Variants in DNAJC1 observed in about 807,000 individuals in gnomAD.
The protein encoded by DNAJC1 is DnaJ heat shock protein family (Hsp40) member C1, also known as dnaJ homolog subfamily C member 1.
DNAJC1 carries 58 observed loss-of-function variants against 76.6 expected under a neutral mutation model. That is an observed-to-expected ratio of 0.76 (90% CI 0.61 to 0.94). The LOEUF (loss-of-function observed/expected upper bound fraction) is 0.94, where lower values mean the gene tolerates loss of function less well. DNAJC1 is among the 40% of genes least tolerant of loss of function. The pLI is 0.00. For synonymous variants in DNAJC1, 258 were observed against 267.9 expected (o/e 0.96, Z 0.36); for missense variants, 689 against 677.3 (o/e 1.02, Z -0.19).
intron 3 of DNAJC1, among the ~76,000 whole-genome samples, chr10:21,925,526 C>T (rs1837113367): frequency 1.3e-5 from 2 of 152,118 alleles, no homozygotes; most frequent in Admixed American, 1.3e-4. Context: ...CCCCAAACTG[C>T]AAACAACCCA....
At chr10:21,845,022 G>C (rs2131682640) in intron 8 of DNAJC1, among the ~76,000 whole-genome samples, 1 of 152,294 alleles carries the variant, frequency 6.6e-6, no homozygotes, top group Non-Finnish European at 1.5e-5. Flanking sequence ...GGGTGACAGA[G>C]TATGAGACTC....
At chr10:22,000,680 T>C (rs145705607) in intron 1 of DNAJC1, among the ~76,000 whole-genome samples, 2 of 152,360 alleles carry the variant, frequency 1.3e-5, no homozygotes, top group African/African-American at 4.8e-5. Flanking sequence ...TAATACAAGG[T>C]GGGGCCTCTG....
intron 9 of DNAJC1, among the ~76,000 whole-genome samples, chr10:21,793,237 T>A (rs1222875316): frequency 6.6e-6 from 1 of 151,630 alleles, no homozygotes; most frequent in Non-Finnish European, 1.5e-5. Flanking sequence ...ACCCGGGAAG[T>A]GGAGGTTGCA....
chr10:21,806,246 T>C (rs913507082), intron 8 of DNAJC1, 147 bp from the exon 9 acceptor site: 1 of 880,280 alleles, frequency 1.1e-6, no homozygotes, highest in African/African-American at 1.7e-5. Flanking sequence ...CTAAATTGTA[T>C]CTAATAGTTT....
chr10:21,786,457 TATATATAGAGAG>T (rs1181225409), intron 9 of DNAJC1, among the ~76,000 whole-genome samples: 26 of 44,418 alleles, frequency 5.9e-4, no homozygotes, highest in African/African-American at 1.3e-3. Context: ...TATATATATA[TATATATAGAGAG>T]AGAGAGAGAG....
intron 1 of DNAJC1, among the ~76,000 whole-genome samples, chr10:21,967,495 C>T (rs1393530043): frequency 6.6e-6 from 1 of 152,206 alleles, no homozygotes; most frequent in East Asian, 1.9e-4. Context: ...TTTCTCTAGG[C>T]ATCCCTATTT....
At chr10:21,966,183 C>T (rs1209179725) in intron 1 of DNAJC1, among the ~76,000 whole-genome samples, 1 of 152,170 alleles carries the variant, frequency 6.6e-6, no homozygotes, top group Non-Finnish European at 1.5e-5. Context: ...TTGTACCCAT[C>T]TCTGTGCATC....
At chr10:21,992,212 G>A (rs1312928186) in intron 1 of DNAJC1, among the ~76,000 whole-genome samples, 1 of 152,224 alleles carries the variant, frequency 6.6e-6, no homozygotes, top group East Asian at 1.9e-4. Context: ...TTGGGAGGCT[G>A]AGACAGGAGA....
At position 21,882,413 on chromosome 10, in the gene DNAJC1, G is replaced by A. The variant is rs766367029; in HGVS notation, c.847C>T (p.Pro283Ser). The A allele has an allele frequency of 1.3e-6, 2 of 1,512,466 alleles. No individual in the cohort carries two copies. The highest frequency in any genetic ancestry group is 2.6e-5 in the East Asian group (1 of 39,048). The allele number at this position is 1,512,466 out of a possible 1,614,324, so 93.7% of individuals were successfully genotyped here. A position where few individuals can be genotyped will look rare whatever the true frequency, so the allele number is the denominator to read the frequency against. ...AAAGGTGTGTATACAGGAAATTCAG[G>A]TTTTGGTTTTTTAACTTTCTTCTGT... ...QKQKKVKKPK[P>S]EFPVYTPLET... Residue 283 changes from proline (P) to serine (S), a missense_variant, in exon 8 of 12, where the codon CCT (proline) becomes TCT (serine). Coordinates refer to ENST00000376980, the MANE Select transcript of DNAJC1 (RefSeq NM_022365.4).
chr10:21,840,358 G>A (rs1469928637), intron 8 of DNAJC1, among the ~76,000 whole-genome samples: 10 of 152,142 alleles, frequency 6.6e-5, no homozygotes, highest in South Asian at 2.1e-4. Context: ...AAACCCCATC[G>A]TCTCGGCCCA....
At chr10:21,802,640 G>C (rs1384429268) in intron 9 of DNAJC1, among the ~76,000 whole-genome samples, 1 of 151,932 alleles carries the variant, frequency 6.6e-6, no homozygotes, top group Non-Finnish European at 1.5e-5. Context: ...TGCCTACCTG[G>C]GCCTTTTCCA....
chr10:21,813,175 CCTCTCTCTCTCTCTCTCTCTCTCTCTCT>C (rs532971786), intron 8 of DNAJC1, among the ~76,000 whole-genome samples: 1 of 28,300 alleles, frequency 3.5e-5, no homozygotes, highest in Non-Finnish European at 5.7e-5. Context: ...TCTCTCTCTC[CCTCTCTCTCTCTCTCTCTCTCTCTCTCT>C]CTCTCTCTCT....
chr10:22,003,637 G>T lies in DNAJC1; in HGVS notation c.-203C>A. ...TGCCGGACGGGCGGGTGGGTAGGCG[G>T]GCGGGGCCGCAGCCAGCGCTACGTT... On this transcript the variant is annotated 5_prime_UTR_variant, in exon 1 of 12. Transcript: ENST00000376980. The T allele has an allele frequency of 4.1e-6, 2 of 489,286 alleles. No individual in the cohort carries two copies. Among genetic ancestry groups the T allele is most frequent in the South Asian group, 1.4e-4 (2 of 13,904 alleles). The allele number at this position is 489,286 out of a possible 1,614,324, so 30.3% of individuals were successfully genotyped here. A position where few individuals can be genotyped will look rare whatever the true frequency, so the allele number is the denominator to read the frequency against.
At chr10:21,766,159 G>A in intron 10 of DNAJC1, 102 bp downstream of exon 10, 2 of 928,436 alleles carry the variant, frequency 2.2e-6, no homozygotes, top group Admixed American at 4.2e-5. Flanking sequence ...AGTTCATTAG[G>A]CAAAACTTCT....
At chr10:21,928,664 C>A (rs1242319841) in intron 2 of DNAJC1, 112 bp from the exon 3 acceptor site, 12 of 776,344 alleles carry the variant, frequency 1.5e-5, no homozygotes, top group African/African-American at 5.3e-5. Context: ...CCTATATATA[C>A]AATAAACAGA....
chr10:21,947,050 T>G (rs775329786), intron 1 of DNAJC1, among the ~76,000 whole-genome samples: 8 of 152,176 alleles, frequency 5.3e-5, no homozygotes, highest in South Asian at 2.1e-4. Flanking sequence ...ACTTTCCAGC[T>G]CCAGAACTGT....
chr10:21,971,340 C>A (rs1335716418), intron 1 of DNAJC1, among the ~76,000 whole-genome samples: 1 of 151,652 alleles, frequency 6.6e-6, no homozygotes, highest in Non-Finnish European at 1.5e-5. Flanking sequence ...TGTCAAGTAA[C>A]GAATTGTTTA....
intron 1 of DNAJC1, among the ~76,000 whole-genome samples, chr10:21,963,458 ATTGTT>A (rs1224022667): frequency 1.3e-5 from 2 of 152,242 alleles, no homozygotes; most frequent in African/African-American, 4.8e-5. Context: ...GGGTTAAAAG[ATTGTT>A]TTAAGTTAGA....
At chr10:21,916,325 TA>T (rs1836955682) in intron 6 of DNAJC1, among the ~76,000 whole-genome samples, 1 of 151,962 alleles carries the variant, frequency 6.6e-6, no homozygotes, top group Admixed American at 6.6e-5. Flanking sequence ...CCGTCTCTAC[TA>T]AAAATACAAA....
Sources: gnomAD v4.1 joint callset for allele counts (sites outside exome capture counted in the v4.1 genomes callset) on GRCh38, gnomAD v4.1.1 for gene constraint, MANE v1.5 for transcripts, NCBI Gene and HGNC (gene_info 2026-07-23, HGNC 2026-07-21) for gene names.